Variants in RGS7 observed in about 807,000 individuals in gnomAD.
RGS7 encodes the protein regulator of G protein signaling 7, also known as regulator of G-protein signaling 7.
In RGS7, 27 loss-of-function variants were observed where a neutral mutation model predicts 81.1. The ratio of observed to expected loss-of-function variants is 0.33; its 90% CI spans 0.25 to 0.46. The LOEUF (loss-of-function observed/expected upper bound fraction) is 0.46. RGS7 is among the 20% of genes least tolerant of loss of function. The probability of loss-of-function intolerance (pLI) is 1.00; values close to 1 mark genes in which losing one functional copy is unlikely to be tolerated. For synonymous variants in RGS7, 208 were observed against 207.7 expected, an observed-to-expected ratio of 1.00 and a Z score of -0.01; for missense variants, 396 against 607.4, an observed-to-expected ratio of 0.65 and a Z score of 3.66.
At chr1:241,119,077 T>A (rs2066064697) in intron 2 of RGS7, among the ~76,000 whole-genome samples, 1 of 151,876 alleles carries the variant, frequency 6.6e-6, no homozygotes, top group South Asian at 2.1e-4. Flanking sequence ...AAATTAAAAA[T>A]TTACCAGCTA....
chr1:241,336,649 T>C (rs1318703329), intron 2 of RGS7, among the ~76,000 whole-genome samples: 1 of 152,220 alleles, frequency 6.6e-6, no homozygotes, highest in Non-Finnish European at 1.5e-5. Flanking sequence ...CAGAAACTCT[T>C]TTCTTTCTTA....
intron 3 of RGS7, among the ~76,000 whole-genome samples, chr1:241,097,982 G>A (rs2064402960): frequency 6.6e-6 from 1 of 152,090 alleles, no homozygotes; most frequent in Non-Finnish European, 1.5e-5. Flanking sequence ...TTCAGCCCTT[G>A]GATATCAGGA....
rs530560691 is a variant in RGS7, at chr1:240,866,427, C to T, written c.609+2160G>A. 7.2e-5 allele frequency among the ~76,000 whole-genome samples: 11 copies of T among 151,962 alleles called. No homozygotes were observed. The South Asian group carries it at 2.1e-3, about 29-fold the overall frequency. ...TCAGGAGGCTGAGGCAGGAGAATGG[C>T]CTGAACCCGGGAGGCGGAGCTTGCA... On this transcript the variant is annotated intron_variant, in intron 9 of 18. Coordinates refer to ENST00000440928, the MANE Select transcript of RGS7 (RefSeq NM_001364886.1).
At chr1:240,796,977 G>T (rs1212677643) in intron 18 of RGS7, among the ~76,000 whole-genome samples, 1 of 152,144 alleles carries the variant, frequency 6.6e-6, no homozygotes, top group Non-Finnish European at 1.5e-5. Context: ...ATAAGATTAG[G>T]TGACTCCCTG....
chr1:241,325,917 A>C (rs907214194), intron 2 of RGS7, among the ~76,000 whole-genome samples: 5 of 152,046 alleles, frequency 3.3e-5, no homozygotes, highest in Non-Finnish European at 7.4e-5. Flanking sequence ...CAACCGTTAC[A>C]TTTTTTCTTT....
chr1:241,082,765 A>G (rs1364319183), intron 3 of RGS7, among the ~76,000 whole-genome samples: 1 of 152,212 alleles, frequency 6.6e-6, no homozygotes, highest in Non-Finnish European at 1.5e-5. Flanking sequence ...AAAGTGATGG[A>G]TATCCCAATT....
intron 18 of RGS7, among the ~76,000 whole-genome samples, chr1:240,792,929 G>C (rs1396633284): frequency 6.6e-6 from 1 of 152,116 alleles, no homozygotes; most frequent in East Asian, 1.9e-4. Context: ...GAATCTAGTA[G>C]TGCTTGAATA....
intron 2 of RGS7, among the ~76,000 whole-genome samples, chr1:241,156,920 CA>C (rs1244354591): frequency 2.6e-5 from 4 of 152,170 alleles, no homozygotes; most frequent in African/African-American, 4.8e-5. Flanking sequence ...TCTTCCCTTC[CA>C]GATGTCATTA....
intron 9 of RGS7, among the ~76,000 whole-genome samples, chr1:240,864,246 AC>A (rs1662805601): frequency 2.0e-5 from 3 of 152,210 alleles, no homozygotes; most frequent in African/African-American, 4.8e-5. Flanking sequence ...AGGTATCATT[AC>A]ATGATACCTT....
intron 2 of RGS7, among the ~76,000 whole-genome samples, chr1:241,293,068 T>C (rs559849913): frequency 2.3e-3 from 357 of 152,308 alleles, no homozygotes; most frequent in Non-Finnish European, 3.7e-3. Flanking sequence ...ACATATAAAG[T>C]CATCAATTGC....
chr1:241,222,755 C>T (rs2075084856), intron 2 of RGS7, among the ~76,000 whole-genome samples: 1 of 152,172 alleles, frequency 6.6e-6, no homozygotes, highest in Non-Finnish European at 1.5e-5. Context: ...AGAGCCCATG[C>T]TCCCAACTCT....
chr1:240,976,931 C>G (rs1043255843), intron 4 of RGS7, among the ~76,000 whole-genome samples: 23 of 151,932 alleles, frequency 1.5e-4, no homozygotes, highest in African/African-American at 5.3e-4. Flanking sequence ...ATCCATCTAT[C>G]ATCTATCTAT....
At chr1:241,181,125 C>A (rs949427821) in intron 2 of RGS7, among the ~76,000 whole-genome samples, 6 of 152,148 alleles carry the variant, frequency 3.9e-5, no homozygotes, top group African/African-American at 1.4e-4. Context: ...GATTCTATAA[C>A]GGTGGACACA....
At chr1:240,857,004 C>A (rs1174042485) in intron 9 of RGS7, among the ~76,000 whole-genome samples, 1 of 152,120 alleles carries the variant, frequency 6.6e-6, no homozygotes, top group Admixed American at 6.5e-5. Flanking sequence ...AAGGTCTTGT[C>A]TATATGGCAT....
Position 241,247,701 on chromosome 1 carries a change from T to TAAAA in RGS7, c.78+107994_78+107997dup, listed in dbSNP as rs538409802. On this transcript the variant is annotated intron_variant, in intron 2 of 18. Coordinates refer to ENST00000440928, the MANE Select transcript of RGS7 (RefSeq NM_001364886.1). ...ACTAACCAAGGTTCCTTTTCTCAAC[T>TAAAA]AAAAAAAAAAATAGGTATAGTGATG... 9.8e-3 allele frequency among the ~76,000 whole-genome samples: 1,416 copies of TAAAA among 144,684 alleles called. 32 individuals carry two copies. Among genetic ancestry groups the TAAAA allele is most frequent in the African/African-American group, 0.034 (1,368 of 39,728 alleles). 94.9% of individuals were successfully genotyped at this position (144,684 alleles called of 152,430 possible). A position where few individuals can be genotyped will look rare whatever the true frequency, so the allele number is the denominator to read the frequency against.
In RGS7 at chr1:241,030,361, C is replaced by CAT. The variant is rs370562497; in HGVS notation, c.176-47234_176-47233dup. ...GCTTTGTTTTTTCCAGAACTTATAG[C>CAT]ATATATATATATACATACACACATA... is the stretch of plus-strand genomic sequence containing the variant. On this transcript the variant is annotated intron_variant, in intron 3 of 18. Coordinates refer to ENST00000440928, the MANE Select transcript of RGS7 (RefSeq NM_001364886.1). 2.3e-4 allele frequency among the ~76,000 whole-genome samples: 24 copies of CAT among 102,200 alleles called. 1 individual carries two copies. Among genetic ancestry groups the CAT allele is most frequent in the Middle Eastern group, 5.0e-3 (1 of 202 alleles). 67.0% of individuals were successfully genotyped at this position (102,200 alleles called of 152,430 possible).
At chr1:240,793,167 C>A (rs1686308772) in intron 18 of RGS7, among the ~76,000 whole-genome samples, 1 of 152,124 alleles carries the variant, frequency 6.6e-6, no homozygotes, top group Non-Finnish European at 1.5e-5. Context: ...TAGGAACCCC[C>A]AGGGCTGTAT....
intron 2 of RGS7, among the ~76,000 whole-genome samples, chr1:241,174,432 G>C (rs1400004399): frequency 6.6e-6 from 1 of 152,162 alleles, no homozygotes; most frequent in Non-Finnish European, 1.5e-5. Flanking sequence ...AAATTGATTG[G>C]TTCAGATCCA....
At chr1:240,959,163 C>T (rs897471462) in intron 4 of RGS7, among the ~76,000 whole-genome samples, 10 of 152,294 alleles carry the variant, frequency 6.6e-5, no homozygotes, top group East Asian at 5.8e-4. Context: ...TTTATTTGGA[C>T]GGATATATTA....
Sources: gnomAD v4.1 joint callset for allele counts (sites outside exome capture counted in the v4.1 genomes callset) on GRCh38, gnomAD v4.1.1 for gene constraint, MANE v1.5 for transcripts, NCBI Gene and HGNC (gene_info 2026-07-23, HGNC 2026-07-21) for gene names.